Variants in XRCC1 observed in about 807,000 individuals in gnomAD.
XRCC1 encodes DNA repair protein XRCC1.
In XRCC1, 52 loss-of-function variants were observed where a neutral mutation model predicts 83.3. That is an observed-to-expected ratio of 0.62 (90% CI 0.50 to 0.79). XRCC1 has a LOEUF of 0.79. XRCC1 is among the 30% of genes least tolerant of loss of function. The pLI is 0.00. For missense variants in XRCC1, 793 were observed against 823.5 expected (o/e 0.96, Z 0.45); for synonymous variants, 281 against 312.6 (o/e 0.90, Z 1.07).
Position 43,565,244 on chromosome 19 carries a change from C to A in XRCC1, c.145-4224G>T, listed in dbSNP as rs548913501. ...TGAACATCTTTTGAGCACCACTGTT[C>A]TGTCCACCACACTTGGCTAAGCATG... is the stretch of plus-strand genomic sequence containing the variant. On this transcript the variant is annotated intron_variant, in intron 2 of 16. Transcript: ENST00000262887. Among the ~76,000 whole-genome samples, 37 of 152,328 alleles carry A rather than the reference C, an allele frequency of 2.4e-4. No homozygotes were observed. The East Asian group carries it at 6.4e-3, about 26-fold the overall frequency.
intron 3 of XRCC1, among the ~76,000 whole-genome samples, chr19:43,558,141 T>TA (rs1443146266): frequency 6.6e-6 from 1 of 152,284 alleles, no homozygotes; most frequent in Non-Finnish European, 1.5e-5. Flanking sequence ...TGAAAAAAGA[T>TA]AGTTTTCTTT....
chr19:43,567,327 T>C (rs955950004), intron 2 of XRCC1, among the ~76,000 whole-genome samples: 2 of 152,146 alleles, frequency 1.3e-5, no homozygotes, highest in African/African-American at 4.8e-5. Context: ...TTATGTTTTT[T>C]GTTGAGACGG....
chr19:43,572,893 T>C (rs1218447282), intron 2 of XRCC1, among the ~76,000 whole-genome samples: 1 of 151,592 alleles, frequency 6.6e-6, no homozygotes, highest in South Asian at 2.1e-4. Flanking sequence ...GTAATAATGC[T>C]GTGTAACAAA....
chr19:43,569,029 A>C (rs1972781814), intron 2 of XRCC1, among the ~76,000 whole-genome samples: 1 of 151,812 alleles, frequency 6.6e-6, no homozygotes, highest in African/African-American at 2.4e-5. Flanking sequence ...CTATAGTCCT[A>C]GCTACTCAGG....
At position 43,552,138 on chromosome 19, in the gene XRCC1, G is replaced by A; in HGVS notation, c.961C>T (p.Gln321Ter). The change falls in exon 9 of 17, where the codon CAG (glutamine) becomes TAG (stop). Residue 321 changes from glutamine to a stop codon, truncating the protein, a stop_gained. Transcript: ENST00000262887. LOFTEE classifies it high-confidence loss of function. ...CCACTCAGCACCACTACCACACCCT[G>A]AAGGATCTTCCCCAGCTCCTCTGGG... ...AGPEELGKILQGVVVVLSGFQ... is the reference protein window; with the variant it reads ...AGPEELGKIL 6.2e-7 allele frequency: 1 copy of A among 1,614,086 alleles called. No individual in the cohort carries two copies. Among genetic ancestry groups the A allele is most frequent in the Non-Finnish European group, 8.5e-7 (1 of 1,179,980 alleles).
Position 43,575,489 on chromosome 19 carries a change from G to A in XRCC1, c.-31C>T, listed in dbSNP as rs1186229064. ...CGTCGTGGGCTTCGCCTGGCCAGAA[G>A]GATGAGGTAGAGTATGGGGTCCGAG... On this transcript the variant is annotated 5_prime_UTR_variant, in exon 1 of 17. Coordinates refer to ENST00000262887, the MANE Select transcript of XRCC1 (RefSeq NM_006297.3). The A allele has an allele frequency of 9.9e-6, 16 of 1,610,520 alleles. No individual in the cohort carries two copies. Among genetic ancestry groups the A allele is most frequent in the African/African-American group, 2.7e-5 (2 of 74,842 alleles).
chr19:43,551,579 G>A lies in XRCC1; in HGVS notation c.1191C>T (p.Pro397=), dbSNP rs752264977. ...GGCGTGTGAGGCCTTACCTCTGGGAGGGCAGCCGCCGACGCATGCGGTGAC... is the reference window on the plus strand; with the variant it reads ...GGCGTGTGAGGCCTTACCTCTGGGAAGGCAGCCGCCGACGCATGCGGTGAC... The part of the protein sequence containing the change: ...LDCHRMRRRL[P]SQRYLMAGPG... The change falls in exon 10 of 17, where the codon CCC becomes CCT. Residue 397 remains proline (P), a synonymous_variant. Coordinates refer to ENST00000262887, the MANE Select transcript of XRCC1 (RefSeq NM_006297.3). 41 of 1,613,862 alleles carry A rather than the reference G, an allele frequency of 2.5e-5. No individual in the cohort carries two copies. In the South Asian group the frequency reaches 4.4e-4, roughly 17 times the overall value.
chr19:43,551,964 C>T, intron 9 of XRCC1, 53 bp downstream of exon 9: 2 of 1,591,952 alleles, frequency 1.3e-6, no homozygotes, highest in East Asian at 2.2e-5. Context: ...GGAGGAGACA[C>T]AGGGAGCTGG....
At chr19:43,571,276 T>A (rs955430989) in intron 2 of XRCC1, among the ~76,000 whole-genome samples, 1 of 152,008 alleles carries the variant, frequency 6.6e-6, no homozygotes, top group Admixed American at 6.6e-5. Flanking sequence ...AGCTTCAGAG[T>A]CTTTTCCCTA....
At chr19:43,546,785 G>A (rs763933060) in intron 11 of XRCC1, 58 bp from the exon 12 acceptor site, 41 of 1,593,790 alleles carry the variant, frequency 2.6e-5, no homozygotes, top group Non-Finnish European at 3.1e-5. Context: ...GTGTTGGGGG[G>A]GTACCTGCAA....
Position 43,554,640 on chromosome 19 carries a change from A to G in XRCC1, c.414+6T>C, listed in dbSNP as rs753953690. The G allele has an allele frequency of 1.2e-6, 2 of 1,607,798 alleles. No individual in the cohort carries two copies. The highest frequency in any genetic ancestry group is 1.7e-6 in the Non-Finnish European group (2 of 1,176,252). On this transcript the variant is annotated splice_donor_region_variant and intron_variant, in intron 4 of 16. Coordinates refer to ENST00000262887, the MANE Select transcript of XRCC1 (RefSeq NM_006297.3). ...GACTCTGCACCCTGGCTCCCACCCT[A>G]GGTACCTTGCTGTAGGGCTGGCTGC...
chr19:43,549,328 C>T (rs3213381), intron 10 of XRCC1, among the ~76,000 whole-genome samples: 1 of 151,996 alleles, frequency 6.6e-6, no homozygotes, highest in Non-Finnish European at 1.5e-5. Context: ...GGCATGATCT[C>T]GACTCACTTC....
intron 15 of XRCC1, 73 bp from the exon 16 acceptor site, chr19:43,543,760 C>G: frequency 2.9e-6 from 4 of 1,397,842 alleles, no homozygotes; most frequent in Non-Finnish European, 4.0e-6. Flanking sequence ...CCCAGCCACT[C>G]TCAATGGCTG....
intron 10 of XRCC1, 48 bp from the exon 11 acceptor site, chr19:43,547,025 G>T (rs757826013): frequency 1.3e-6 from 2 of 1,586,972 alleles, no homozygotes; most frequent in Non-Finnish European, 1.7e-6. Flanking sequence ...GGGAAGTGGG[G>T]AGGGCGTTCA....
At chr19:43,547,485 C>CTTT (rs71169260) in intron 10 of XRCC1, among the ~76,000 whole-genome samples, 1 of 140,086 alleles carries the variant, frequency 7.1e-6, no homozygotes, top group Non-Finnish European at 1.5e-5. Context: ...CTCCTGGCCG[C>CTTT]TTTTTTTTTT....
At chr19:43,560,653 G>A (rs879396173) in intron 3 of XRCC1, among the ~76,000 whole-genome samples, 2 of 152,162 alleles carry the variant, frequency 1.3e-5, no homozygotes, top group Admixed American at 1.3e-4. Context: ...TCAGACTTCT[G>A]ACCTCCAGAA....
chr19:43,564,925 C>G (rs1045114161), intron 2 of XRCC1, among the ~76,000 whole-genome samples: 1 of 152,116 alleles, frequency 6.6e-6, no homozygotes, highest in Non-Finnish European at 1.5e-5. Context: ...TAGAGGAGAA[C>G]GTGTCTCCTT....
intron 3 of XRCC1, among the ~76,000 whole-genome samples, chr19:43,557,810 A>T (rs1400740392): frequency 6.7e-6 from 1 of 148,588 alleles, no homozygotes; most frequent in Non-Finnish European, 1.5e-5. Context: ...AAAAAAAAAA[A>T]AAAAAAAAAG....
Position 43,546,966 on chromosome 19 carries a change from G to C in XRCC1, c.1211C>G (p.Ala404Gly), listed in dbSNP as rs949812377. The change falls in exon 11 of 17, where the codon GCA becomes GGA. Residue 404 changes from alanine (A) to glycine (G), a missense_variant. Transcript: ENST00000262887. ...RRLPSQRYLM[A>G]GPGSSSEEDE... ...CTCCTCACTGCTGGAACCTGGCCCT[G>C]CCATGAGGTACCTAGGGGACAAATC... The C allele has an allele frequency of 1.2e-6, 2 of 1,613,794 alleles. No homozygotes were observed. The highest frequency in any genetic ancestry group is 1.3e-5 in the African/African-American group (1 of 74,918).
Sources: gnomAD v4.1 joint callset for allele counts (sites outside exome capture counted in the v4.1 genomes callset) on GRCh38, gnomAD v4.1.1 for gene constraint, MANE v1.5 for transcripts, NCBI Gene and HGNC (gene_info 2026-07-23, HGNC 2026-07-21) for gene names.